Variants in POLDIP3 observed in about 807,000 individuals in gnomAD.
POLDIP3 encodes the protein DNA polymerase delta interacting protein 3, also known as polymerase delta-interacting protein 3.
A neutral mutation model predicts 45.1 loss-of-function variants in POLDIP3; 14 were observed. The observed-to-expected ratio is 0.31, with a 90% CI of 0.20 to 0.49. The LOEUF (loss-of-function observed/expected upper bound fraction) is 0.49, where lower values mean the gene tolerates loss of function less well. Among genes scored for constraint, POLDIP3 ranks in the 20% least tolerant of loss-of-function variants. POLDIP3 has a pLI of 0.99. For synonymous variants in POLDIP3, 223 were observed against 205.2 expected, an observed-to-expected ratio of 1.09 and a Z score of -0.74; for missense variants, 511 against 538.8, an observed-to-expected ratio of 0.95 and a Z score of 0.51.
At chr22:42,607,789 G>A (rs1926843474) in intron 1 of POLDIP3, among the ~76,000 whole-genome samples, 1 of 148,428 alleles carries the variant, frequency 6.7e-6, no homozygotes, top group Admixed American at 6.7e-5. Flanking sequence ...GAGTGTCTCT[G>A]CCCGACCGCC....
chr22:42,612,467 C>A (rs1712633705), intron 1 of POLDIP3, among the ~76,000 whole-genome samples: 1 of 152,170 alleles, frequency 6.6e-6, no homozygotes. Flanking sequence ...TGCTTCTATG[C>A]CTTTAAGGAA....
At chr22:42,591,838 C>T (rs144015413) in intron 7 of POLDIP3, 117 bp downstream of exon 7, 26 of 1,364,358 alleles carry the variant, frequency 1.9e-5, no homozygotes, top group South Asian at 2.6e-5. Flanking sequence ...CTGGTGCAGA[C>T]GAGGCCCCAG....
chr22:42,603,106 T>C lies in POLDIP3; in HGVS notation c.114A>G (p.Gln38=), dbSNP rs1239036036. 1.2e-6 allele frequency: 2 copies of C among 1,614,078 alleles called. No homozygotes were observed. The highest frequency in any genetic ancestry group is 8.5e-7 in the Non-Finnish European group (1 of 1,180,050). The change falls in exon 2 of 9, where the codon CAA becomes CAG. Residue 38 remains glutamine, a synonymous_variant. Coordinates refer to ENST00000252115, the MANE Select transcript of POLDIP3 (RefSeq NM_032311.5). The part of the protein sequence containing the change: ...GGVRSRVGIQ[Q]GLLSQSTRTA... ...TGCGTGTTGACTGGCTGAGAAGGCC[T>C]TGCTGGATCCCAACTCGAGATCGGA...
chr22:42,603,468 A>C, intron 1 of POLDIP3: 1 of 296,746 alleles, frequency 3.4e-6, no homozygotes, highest in East Asian at 7.5e-5. Flanking sequence ...CTTCCCAACA[A>C]TGCCAGTCAA....
At position 42,587,169 on chromosome 22, in the gene POLDIP3, T is replaced by A. The variant is rs753710254; in HGVS notation, c.1088+337A>T. On this transcript the variant is annotated intron_variant, in intron 8 of 8. Transcript: ENST00000252115. ...GGGGTAGCATCTGGCACTGTCTCCA[T>A]CAGAGCCAATCATGCAGTGGAGTTC... Among the ~76,000 whole-genome samples, 40 of 152,294 alleles carry A rather than the reference T, an allele frequency of 2.6e-4. 1 individual carries two copies. Among genetic ancestry groups the A allele is most frequent in the Admixed American group, 8.5e-4 (13 of 15,300 alleles).
At chr22:42,602,335 G>A (rs1279884276) in intron 2 of POLDIP3, among the ~76,000 whole-genome samples, 1 of 152,232 alleles carries the variant, frequency 6.6e-6, no homozygotes, top group Non-Finnish European at 1.5e-5. Flanking sequence ...AAGGTTAAAT[G>A]ACATTGTTTC....
intron 4 of POLDIP3, among the ~76,000 whole-genome samples, chr22:42,598,794 G>A (rs1292539318): frequency 1.3e-5 from 2 of 152,222 alleles, no homozygotes; most frequent in African/African-American, 2.4e-5. Context: ...CTGCCACAAG[G>A]ACCCACCTAG....
chr22:42,606,842 A>G (rs1926760646), intron 1 of POLDIP3, among the ~76,000 whole-genome samples: 1 of 152,246 alleles, frequency 6.6e-6, no homozygotes, highest in African/African-American at 2.4e-5. Flanking sequence ...AAGGAGATTA[A>G]CTATCCCAAG....
rs142177671 is a variant in POLDIP3 at position 42,599,744 on chromosome 22, G to A, written c.587C>T (p.Thr196Ile). The A allele has an allele frequency of 1.2e-4, 190 of 1,612,476 alleles. No individual in the cohort carries two copies. Among genetic ancestry groups the A allele is most frequent in the Non-Finnish European group, 1.6e-4 (184 of 1,178,750 alleles). Residue 196 changes from threonine to isoleucine, a missense_variant, in exon 4 of 9, where the codon ACT becomes ATT. Around this residue, in one of 4 missense-constraint regions of POLDIP3, gnomAD observed 378 missense variants for 352.3 expected, o/e 1.07. Transcript: ENST00000252115. The stretch of plus-strand genomic sequence containing the variant: ...TGAGGCTGCAAACTTCATCTGTTTA[G>A]TAGGAACGGAAGCTATACCATCATC... Reference protein sequence around the residue: ...EDDDGIASVPTKQMKFAASGG... With the variant: ...EDDDGIASVPIKQMKFAASGG...
At chr22:42,611,971 G>A (rs1282769830) in intron 1 of POLDIP3, among the ~76,000 whole-genome samples, 1 of 152,170 alleles carries the variant, frequency 6.6e-6, no homozygotes, top group East Asian at 1.9e-4. Context: ...ATCTTAACAG[G>A]GACCACTGGA....
At chr22:42,594,009 A>G (rs1297298329) in intron 6 of POLDIP3, among the ~76,000 whole-genome samples, 1 of 151,740 alleles carries the variant, frequency 6.6e-6, no homozygotes, top group Non-Finnish European at 1.5e-5. Context: ...CACCTGTAAT[A>G]CCAGCACTTT....
In POLDIP3 at chr22:42,595,539, C is replaced by A; in HGVS notation, c.889G>T (p.Val297Phe). ...LHPRVTEEDIVELFCVCGALK... is the reference protein window; with the variant it reads ...LHPRVTEEDIFELFCVCGALK... ...GTTTGGTAGGTCACAGTACTTACAACAATGTCCTCCTCAGTGACTCGAGGG... is the reference window on the plus strand; with the variant it reads ...GTTTGGTAGGTCACAGTACTTACAAAAATGTCCTCCTCAGTGACTCGAGGG... Residue 297 changes from valine (V) to phenylalanine (F), a missense_variant and splice_region_variant, in exon 6 of 9, where the codon GTT becomes TTT. Val to Phe is a conservative substitution (Grantham distance 50). Around this residue, in one of 4 missense-constraint regions of POLDIP3, gnomAD observed 66 missense variants for 118.1 expected, o/e 0.56. Coordinates refer to ENST00000252115, the MANE Select transcript of POLDIP3 (RefSeq NM_032311.5). 1 of 1,613,728 alleles carries A rather than the reference C, an allele frequency of 6.2e-7. No individual in the cohort carries two copies. The highest frequency in any genetic ancestry group is 8.5e-7 in the Non-Finnish European group (1 of 1,179,616).
chr22:42,603,202 A>G (rs886572306), intron 1 of POLDIP3, 42 bp from the exon 2 acceptor site: 2 of 1,592,648 alleles, frequency 1.3e-6, no homozygotes, highest in Non-Finnish European at 1.7e-6. Flanking sequence ...GGATCTGGGT[A>G]TCTACAGCAG....
At chr22:42,591,068 AAAAAAAAT>A (rs138628788) in intron 7 of POLDIP3, among the ~76,000 whole-genome samples, 6,882 of 135,796 alleles carry the variant, frequency 0.051, 516 homozygotes, top group African/African-American at 0.18. Context: ...AGAGAAACTC[AAAAAAAAT>A]AAAAAAATAA....
chr22:42,611,955 C>T (rs1314484322), intron 1 of POLDIP3, among the ~76,000 whole-genome samples: 1 of 152,208 alleles, frequency 6.6e-6, no homozygotes, highest in Non-Finnish European at 1.5e-5. Context: ...TCAGATCTTT[C>T]ACATTATCTT....
intron 1 of POLDIP3, among the ~76,000 whole-genome samples, chr22:42,606,126 A>C (rs1414129117): frequency 2.0e-5 from 3 of 152,190 alleles, no homozygotes; most frequent in Non-Finnish European, 2.9e-5. Flanking sequence ...TGGGCGACAG[A>C]GCAAGACTCT....
chr22:42,610,679 G>A (rs1927064348), intron 1 of POLDIP3, among the ~76,000 whole-genome samples: 1 of 152,208 alleles, frequency 6.6e-6, no homozygotes, highest in African/African-American at 2.4e-5. Context: ...GAGGCAGGAG[G>A]ACTGCTTGAG....
intron 4 of POLDIP3, chr22:42,597,677 C>CAAGCT (rs1569299442): frequency 2.1e-6 from 1 of 468,940 alleles, no homozygotes; most frequent in Non-Finnish European, 4.4e-6. Context: ...ACTCACTGAG[C>CAAGCT]AAGCTGATAG....
At chr22:42,595,680 C>A in intron 5 of POLDIP3, 66 bp from the exon 6 acceptor site, 2 of 1,453,742 alleles carry the variant, frequency 1.4e-6, no homozygotes, top group Admixed American at 1.7e-5. Flanking sequence ...AACAGAAATT[C>A]CTCCAGGCAC....
Sources: allele counts gnomAD v4.1 joint callset (sites outside exome capture counted in the v4.1 genomes callset), GRCh38; gene constraint gnomAD v4.1.1; regional missense constraint gnomAD v4.1.1; transcripts MANE v1.5; gene names NCBI Gene and HGNC (gene_info 2026-07-23, HGNC 2026-07-21).